AFF3: variants seen among roughly 807,000 people sequenced by gnomAD.
AFF3 encodes the protein ALF transcription elongation factor 3.
Under a neutral mutation model 129.7 loss-of-function variants are expected in AFF3, and 32 were observed. The observed-to-expected ratio is 0.25, with a 90% CI of 0.19 to 0.33. The LOEUF (loss-of-function observed/expected upper bound fraction) is 0.33. Among genes scored for constraint, AFF3 ranks in the 10% least tolerant of loss-of-function variants. The pLI is 1.00. For missense variants in AFF3, 1,373 were observed against 1,592.0 expected, an observed-to-expected ratio of 0.86 and a Z score of 2.34; for synonymous variants, 644 against 635.4, an observed-to-expected ratio of 1.01 and a Z score of -0.20.
chr2:99,824,497 A>G (rs753715702), intron 8 of AFF3, among the ~76,000 whole-genome samples: 6 of 152,188 alleles, frequency 3.9e-5, no homozygotes, highest in Non-Finnish European at 8.8e-5. Context: ...CTAAAATAAA[A>G]ACTTACTAAC....
chr2:99,899,096 T>G (rs368987430), intron 7 of AFF3, among the ~76,000 whole-genome samples: 18 of 152,362 alleles, frequency 1.2e-4, no homozygotes, highest in African/African-American at 4.1e-4. Context: ...ACCTGTGGAT[T>G]TGACATGTCT....
intron 19 of AFF3, 65 bp from the exon 20 acceptor site, chr2:99,565,688 T>C: frequency 6.4e-7 from 1 of 1,560,576 alleles, no homozygotes; most frequent in Non-Finnish European, 8.8e-7. Flanking sequence ...CATTGTCATG[T>C]AGTTTATACA....
chr2:99,658,298 G>C (rs912378913), intron 12 of AFF3, among the ~76,000 whole-genome samples: 2 of 152,172 alleles, frequency 1.3e-5, no homozygotes, highest in African/African-American at 4.8e-5. Context: ...GCCTGGAGGA[G>C]GGCTGGGGGA....
intron 7 of AFF3, 191 bp downstream of exon 7, chr2:100,006,441 T>C: frequency 1.5e-6 from 1 of 674,746 alleles, no homozygotes; most frequent in South Asian, 3.5e-5. Flanking sequence ...AAAATTCAAA[T>C]TATAATAAAT....
intron 7 of AFF3, among the ~76,000 whole-genome samples, chr2:99,948,740 T>A (rs1675873633): frequency 1.3e-5 from 2 of 151,982 alleles, no homozygotes; most frequent in South Asian, 4.2e-4. Flanking sequence ...CAGCAGTCCA[T>A]GTAGAATTAA....
intron 13 of AFF3, among the ~76,000 whole-genome samples, chr2:99,641,689 A>C (rs1175316193): frequency 6.6e-6 from 1 of 152,218 alleles, no homozygotes; most frequent in Non-Finnish European, 1.5e-5. Flanking sequence ...AAACAAAAAC[A>C]AAAAAGAACA....
intron 14 of AFF3, among the ~76,000 whole-genome samples, chr2:99,599,799 ATAGCATAAAGCAGGC>A (rs1558627575): frequency 3.9e-5 from 6 of 152,236 alleles, no homozygotes; most frequent in African/African-American, 1.4e-4. Context: ...TCCACAAAGT[ATAGCATAAAGCAGGC>A]TTTAAAGAAG....
chr2:100,004,601 T>C (rs1681778235), intron 7 of AFF3, among the ~76,000 whole-genome samples: 1 of 152,100 alleles, frequency 6.6e-6, no homozygotes, highest in Non-Finnish European at 1.5e-5. Flanking sequence ...GCGGATTTTA[T>C]TGGAATAGCC....
At position 99,593,801 on chromosome 2, in the gene AFF3, G is replaced by A. The variant is rs750564737; in HGVS notation, c.1860C>T (p.Val620=). ...AADALGTSVV[V]PPEPTKTRPC... Reference sequence around the variant, plus strand: ...GCCTGGTTTTGGTGGGCTCCGGGGGGACCACCACGCTCGTCCCCAGCGCGT... The same window carrying A: ...GCCTGGTTTTGGTGGGCTCCGGGGGAACCACCACGCTCGTCCCCAGCGCGT... The change falls in exon 15 of 25, where the codon GTC becomes GTT. Residue 620 remains valine, a synonymous_variant. Coordinates refer to ENST00000672756, the MANE Select transcript of AFF3 (RefSeq NM_001386135.1). The A allele has an allele frequency of 1.1e-5, 17 of 1,610,932 alleles. No individual in the cohort carries two copies. Among genetic ancestry groups the A allele is most frequent in the Non-Finnish European group, 1.3e-5 (15 of 1,179,494 alleles).
At chr2:100,055,233 C>T (rs997971545) in intron 4 of AFF3, among the ~76,000 whole-genome samples, 1 of 152,058 alleles carries the variant, frequency 6.6e-6, no homozygotes, top group African/African-American at 2.4e-5. Flanking sequence ...ATACCAACAT[C>T]ATCTTGTTAC....
chr2:100,141,790 C>CAT (rs747167015), intron 1 of AFF3, among the ~76,000 whole-genome samples: 29 of 152,072 alleles, frequency 1.9e-4, no homozygotes, highest in Non-Finnish European at 3.7e-4. Flanking sequence ...TGTGTGTGTA[C>CAT]ATATATATAC....
chr2:99,970,073 G>T (rs1435575811), intron 7 of AFF3, among the ~76,000 whole-genome samples: 3 of 152,192 alleles, frequency 2.0e-5, no homozygotes, highest in African/African-American at 7.2e-5. Context: ...GATCTGCTCT[G>T]TGAGAGGTAA....
At chr2:99,901,301 A>G (rs748211106) in intron 7 of AFF3, among the ~76,000 whole-genome samples, 4 of 152,088 alleles carry the variant, frequency 2.6e-5, no homozygotes, top group Admixed American at 2.0e-4. Flanking sequence ...TCTCCTCTAC[A>G]TGTGGATTAT....
At chr2:100,069,827 T>C (rs1688024322) in intron 4 of AFF3, among the ~76,000 whole-genome samples, 1 of 152,198 alleles carries the variant, frequency 6.6e-6, no homozygotes, top group Admixed American at 6.5e-5. Context: ...TTTTTTGCTC[T>C]TTTATAATAA....
At chr2:99,892,039 G>A (rs775013471) in intron 7 of AFF3, among the ~76,000 whole-genome samples, 4 of 152,176 alleles carry the variant, frequency 2.6e-5, no homozygotes, top group East Asian at 3.9e-4. Context: ...AGCCAGGATG[G>A]TCTCAATCTC....
chr2:99,722,315 A>G (rs1438269028), intron 11 of AFF3, among the ~76,000 whole-genome samples: 1 of 152,240 alleles, frequency 6.6e-6, no homozygotes, highest in Non-Finnish European at 1.5e-5. Context: ...AGTTTTGGTT[A>G]GATAATGAAC....
chr2:99,567,039 C>G lies in AFF3; in HGVS notation c.2983-1416G>C, dbSNP rs547461119. Among the ~76,000 whole-genome samples, 82 of 150,572 alleles carry G rather than the reference C, an allele frequency of 5.4e-4. 4 individuals carry two copies. The South Asian group carries it at 0.017, about 31-fold the overall frequency. ...CTGGAGTGCAGTGGCATGATCTTGG[C>G]TCATTGCAATCTCTGCCTCCCGGGT... is the stretch of plus-strand genomic sequence containing the variant. On this transcript the variant is annotated intron_variant, in intron 19 of 24. Coordinates refer to ENST00000672756, the MANE Select transcript of AFF3 (RefSeq NM_001386135.1).
At chr2:100,037,893 A>T (rs1685103694) in intron 4 of AFF3, among the ~76,000 whole-genome samples, 1 of 147,302 alleles carries the variant, frequency 6.8e-6, no homozygotes, top group South Asian at 2.1e-4. Flanking sequence ...ATATATATAT[A>T]TCAGCGAGAA....
intron 4 of AFF3, among the ~76,000 whole-genome samples, chr2:100,034,863 C>G (rs952452941): frequency 1.3e-5 from 2 of 152,218 alleles, no homozygotes. Flanking sequence ...TTCACATTAA[C>G]TGCCTCATGT....
Sources: allele counts gnomAD v4.1 joint callset (sites outside exome capture counted in the v4.1 genomes callset), GRCh38; gene constraint gnomAD v4.1.1; transcripts MANE v1.5; gene names NCBI Gene and HGNC (gene_info 2026-07-23, HGNC 2026-07-21).